Variants in FOCAD observed in about 807,000 individuals in gnomAD.
The protein encoded by FOCAD is focadhesin, also known as KIAA1797.
FOCAD carries 198 observed loss-of-function variants against 225.6 expected under a neutral mutation model. That is an observed-to-expected ratio of 0.88 (90% CI 0.78 to 0.99). The LOEUF (loss-of-function observed/expected upper bound fraction) is 0.99, where lower values mean the gene tolerates loss of function less well. FOCAD is among the 50% of genes least tolerant of loss of function. FOCAD has a pLI of 0.00. For missense variants in FOCAD, 2,713 were observed against 2,123.6 expected, an observed-to-expected ratio of 1.28 and a Z score of -5.46; for synonymous variants, 897 against 755.0, an observed-to-expected ratio of 1.19 and a Z score of -3.08.
intron 28 of FOCAD, among the ~76,000 whole-genome samples, chr9:20,936,272 A>G (rs553589134): frequency 1.9e-4 from 29 of 152,342 alleles, no homozygotes; most frequent in African/African-American, 6.5e-4. Flanking sequence ...CAGTGTTTAC[A>G]TTTCTGGCCT....
At chr9:20,911,238 G>C (rs1833411956) in intron 22 of FOCAD, among the ~76,000 whole-genome samples, 1 of 152,106 alleles carries the variant, frequency 6.6e-6, no homozygotes, top group Non-Finnish European at 1.5e-5. Context: ...TATGGAGAAT[G>C]AGGATTGATA....
chr9:20,982,433 C>T lies in FOCAD; in HGVS notation c.4715C>T (p.Ala1572Val). The T allele has an allele frequency of 1.2e-6, 2 of 1,613,244 alleles. No homozygotes were observed. The highest frequency in any genetic ancestry group is 1.7e-6 in the Non-Finnish European group (2 of 1,179,374). Reference sequence around the variant, plus strand: ...ACAGATGATGATGCCAATCGGATCGCCCAGGTTACTAAGGTAATAACATAT... The same window carrying T: ...ACAGATGATGATGCCAATCGGATCGTCCAGGTTACTAAGGTAATAACATAT... ...EMTDDDANRI[A>V]QVTKSNIEKA... The change falls in exon 39 of 44, where the codon GCC becomes GTC. Residue 1572 changes from alanine (A) to valine (V), a missense_variant. Physicochemically the swap from Ala to Val is moderately conservative, Grantham distance 64. Coordinates refer to ENST00000338382, the MANE Select transcript of FOCAD (RefSeq NM_001375567.1).
intron 29 of FOCAD, among the ~76,000 whole-genome samples, chr9:20,945,299 C>T (rs182018664): frequency 6.6e-6 from 1 of 152,102 alleles, no homozygotes; most frequent in Non-Finnish European, 1.5e-5. Context: ...GGGTGTTAAC[C>T]ATGTTTTTAG....
chr9:20,914,649 A>C (rs1258224442), intron 23 of FOCAD, among the ~76,000 whole-genome samples: 1 of 152,152 alleles, frequency 6.6e-6, no homozygotes, highest in South Asian at 2.1e-4. Context: ...TGGAGAGCGC[A>C]AGGATGGAAG....
rs188462857 is a variant in FOCAD, at chr9:20,882,206, A to G, written c.2503+150A>G. The G allele has an allele frequency of 1.1e-3, 755 of 676,592 alleles. 2 individuals carry two copies. In the African/African-American group the frequency reaches 0.012, roughly 11 times the overall value. 41.9% of individuals were successfully genotyped at this position (676,592 alleles called of 1,614,324 possible). On this transcript the variant is annotated intron_variant, in intron 20 of 43. Coordinates refer to ENST00000338382, the MANE Select transcript of FOCAD (RefSeq NM_001375567.1). ...TAAAAATCATCGCACTTTAAAAGAC[A>G]TCGCAGAACTGTAGAAGCAAAGACA...
intron 25 of FOCAD, among the ~76,000 whole-genome samples, chr9:20,925,149 A>T (rs1245585971): frequency 6.6e-6 from 1 of 152,240 alleles, no homozygotes; most frequent in Non-Finnish European, 1.5e-5. Flanking sequence ...TTTAATTTTA[A>T]ACTTAGAATC....
At chr9:20,712,730 CTTTTTTTT>C (rs71334550) in intron 1 of FOCAD, among the ~76,000 whole-genome samples, 7 of 93,322 alleles carry the variant, frequency 7.5e-5, no homozygotes, top group Admixed American at 1.4e-4. Context: ...CTCCTATATT[CTTTTTTTT>C]TTTTTTTTTT....
intron 5 of FOCAD, among the ~76,000 whole-genome samples, chr9:20,757,821 A>G (rs1200582134): frequency 6.6e-6 from 1 of 152,166 alleles, no homozygotes; most frequent in Admixed American, 6.6e-5. Flanking sequence ...CAGAACTGTT[A>G]AATGGAAGAG....
chr9:20,968,036 T>C (rs35980615), intron 35 of FOCAD, among the ~76,000 whole-genome samples: 29,640 of 152,102 alleles, frequency 0.19, 3,485 homozygotes, highest in South Asian at 0.32. Context: ...AGATTGGTGT[T>C]AATTCTTTAA....
intron 18 of FOCAD, 119 bp from the exon 19 acceptor site, chr9:20,874,562 T>A: frequency 1.0e-6 from 1 of 970,926 alleles, no homozygotes; most frequent in Non-Finnish European, 1.5e-6. Context: ...GTCTTTTATG[T>A]TATAGAGTGA....
At position 20,944,691 on chromosome 9, in the gene FOCAD, T is replaced by G; in HGVS notation, c.3472T>G (p.Ser1158Ala). 1 of 1,614,116 alleles carries G rather than the reference T, an allele frequency of 6.2e-7. No homozygotes were observed. The highest frequency in any genetic ancestry group is 8.5e-7 in the Non-Finnish European group (1 of 1,179,966). The change falls in exon 29 of 44, where the codon TCC becomes GCC. Residue 1158 changes from serine (S) to alanine (A), a missense_variant. Physicochemically the swap from Ser to Ala is moderately conservative, Grantham distance 99. Transcript: ENST00000338382. The stretch of plus-strand genomic sequence containing the variant: ...CATGAGCCACAGCAGCCAAATGCAG[T>G]CCCGCGTTCACGTAGCAGCATTGCT... Reference protein sequence around the residue: ...SLMSHSSQMQSRVHVAALLRK... With the variant: ...SLMSHSSQMQARVHVAALLRK...
chr9:20,789,738 C>G, intron 11 of FOCAD, 130 bp downstream of exon 11: 1 of 959,456 alleles, frequency 1.0e-6, no homozygotes, highest in Non-Finnish European at 1.5e-6. Flanking sequence ...TTTTTTTTTG[C>G]TATCTTTATC....
intron 2 of FOCAD, among the ~76,000 whole-genome samples, chr9:20,669,301 T>C (rs1195938278): frequency 1.3e-5 from 2 of 152,174 alleles, no homozygotes; most frequent in African/African-American, 4.8e-5. Context: ...TGAGCTAGTT[T>C]GAAGGGATTC....
intron 10 of FOCAD, among the ~76,000 whole-genome samples, chr9:20,783,570 A>G (rs1463291850): frequency 6.8e-6 from 1 of 148,142 alleles, no homozygotes; most frequent in East Asian, 1.9e-4. Flanking sequence ...AGTCAAGATT[A>G]TTTGACTATT....
At chr9:20,686,821 C>T (rs962036708) in intron 1 of FOCAD, among the ~76,000 whole-genome samples, 1 of 151,994 alleles carries the variant, frequency 6.6e-6, no homozygotes, top group Admixed American at 6.6e-5. Flanking sequence ...TTACTATTTC[C>T]ACATGATAAG....
intron 15 of FOCAD, among the ~76,000 whole-genome samples, chr9:20,843,690 T>C (rs1341292346): frequency 6.6e-6 from 1 of 152,148 alleles, no homozygotes; most frequent in African/African-American, 2.4e-5. Flanking sequence ...TTAAAAATCT[T>C]TGTATTTTGA....
intron 24 of FOCAD, among the ~76,000 whole-genome samples, chr9:20,922,962 CT>C (rs953566620): frequency 1.4e-5 from 1 of 69,258 alleles, no homozygotes; most frequent in Non-Finnish European, 3.0e-5. Flanking sequence ...AGAAGTCAAA[CT>C]CTTAAGAGTT....
At chr9:20,671,357 C>T (rs79970983) in intron 2 of FOCAD, among the ~76,000 whole-genome samples, 20,107 of 152,104 alleles carry the variant, frequency 0.13, 1,672 homozygotes, top group Non-Finnish European at 0.18. Context: ...AATTTCACTT[C>T]TCCAATTATT....
At chr9:20,667,156 A>G (rs117794265) in intron 2 of FOCAD, among the ~76,000 whole-genome samples, 3,963 of 152,326 alleles carry the variant, frequency 0.026, 72 homozygotes, top group Non-Finnish European at 0.043. Context: ...TTCTTTGTCT[A>G]TCTTATAAAG....
Sources: allele counts gnomAD v4.1 joint callset (sites outside exome capture counted in the v4.1 genomes callset), GRCh38; gene constraint gnomAD v4.1.1; transcripts MANE v1.5; gene names NCBI Gene and HGNC (gene_info 2026-07-23, HGNC 2026-07-21).